Variants in LRFN5 observed in about 807,000 individuals in gnomAD.
The protein encoded by LRFN5 is leucine-rich repeat and fibronectin type-III domain-containing protein 5.
In LRFN5, 24 loss-of-function variants were observed where a neutral mutation model predicts 45.6. The ratio of observed to expected loss-of-function variants is 0.53; its 90% CI spans 0.38 to 0.74. The LOEUF (loss-of-function observed/expected upper bound fraction) is 0.74, where lower values mean the gene tolerates loss of function less well. Among genes scored for constraint, LRFN5 ranks in the 30% least tolerant of loss-of-function variants. The pLI, the probability that LRFN5 is intolerant of heterozygous loss-of-function variation, is 0.00. For synonymous variants in LRFN5, 340 were observed against 313.8 expected, an observed-to-expected ratio of 1.08 and a Z score of -0.88; for missense variants, 776 against 861.5, an observed-to-expected ratio of 0.90 and a Z score of 1.24.
chr14:41,694,615 T>A (rs933594618), intron 1 of LRFN5, among the ~76,000 whole-genome samples: 2 of 152,016 alleles, frequency 1.3e-5, no homozygotes, highest in African/African-American at 4.8e-5. Context: ...AGATATTCTT[T>A]TTTATAAATT....
rs1887683215 is a variant in LRFN5, at chr14:41,810,017, T to A, written c.-21+42988T>A. Among the ~76,000 whole-genome samples the A allele has an allele frequency of 3.9e-5, 6 of 152,154 alleles. No individual in the cohort carries two copies. In the South Asian group the frequency reaches 1.2e-3, roughly 32 times the overall value. On this transcript the variant is annotated intron_variant, in intron 2 of 5. Transcript: ENST00000298119. ...ATAAGTCACTTCAAATCTATACTAA[T>A]GTGAAACTCAGCTTTCAAATAATAT...
At chr14:41,626,786 A>G (rs1888349844) in intron 1 of LRFN5, among the ~76,000 whole-genome samples, 1 of 152,024 alleles carries the variant, frequency 6.6e-6, no homozygotes, top group African/African-American at 2.4e-5. Context: ...ATTCTAATTT[A>G]CTCTGATGTA....
intron 1 of LRFN5, among the ~76,000 whole-genome samples, chr14:41,631,403 A>G (rs932148865): frequency 1.3e-5 from 2 of 152,176 alleles, no homozygotes; most frequent in African/African-American, 2.4e-5. Flanking sequence ...TATTTATTCA[A>G]CAAGTATGTA....
At chr14:41,666,158 T>C (rs111805537) in intron 1 of LRFN5, among the ~76,000 whole-genome samples, 1,735 of 152,162 alleles carry the variant, frequency 0.011, 38 homozygotes, top group African/African-American at 0.04. Context: ...AAAATTATCT[T>C]ATCTGAATTT....
intron 1 of LRFN5, among the ~76,000 whole-genome samples, chr14:41,764,532 ATGC>A (rs1435054076): frequency 6.6e-6 from 1 of 152,168 alleles, no homozygotes; most frequent in Admixed American, 6.5e-5. Context: ...TGTGCTTTTC[ATGC>A]TAAAATAAAG....
intron 1 of LRFN5, among the ~76,000 whole-genome samples, chr14:41,667,579 A>G (rs953428604): frequency 2.6e-5 from 4 of 152,150 alleles, no homozygotes; most frequent in African/African-American, 9.7e-5. Context: ...TCCTGAATCT[A>G]TAGATTGCTA....
intron 1 of LRFN5, among the ~76,000 whole-genome samples, chr14:41,747,728 A>G (rs536263451): frequency 1.8e-4 from 27 of 152,044 alleles, no homozygotes; most frequent in Non-Finnish European, 3.8e-4. Context: ...TAAGAAGGCA[A>G]CCCACAGAAT....
At chr14:41,661,483 C>T (rs940803580) in intron 1 of LRFN5, among the ~76,000 whole-genome samples, 1 of 151,934 alleles carries the variant, frequency 6.6e-6, no homozygotes, top group African/African-American at 2.4e-5. Flanking sequence ...TGTACAATAT[C>T]CTGCTAGAAG....
At chr14:41,814,956 A>G (rs113629900) in intron 2 of LRFN5, among the ~76,000 whole-genome samples, 5 of 152,132 alleles carry the variant, frequency 3.3e-5, no homozygotes, top group African/African-American at 1.2e-4. Flanking sequence ...AACAGCATGG[A>G]AAAACATCCA....
At chr14:41,864,052 T>G (rs560181974) in intron 2 of LRFN5, among the ~76,000 whole-genome samples, 1 of 152,358 alleles carries the variant, frequency 6.6e-6, no homozygotes, top group African/African-American at 2.4e-5. Flanking sequence ...ATATCCACAT[T>G]TGCTTTATCC....
intron 1 of LRFN5, among the ~76,000 whole-genome samples, chr14:41,667,852 T>C (rs1442799146): frequency 6.6e-6 from 1 of 152,184 alleles, no homozygotes; most frequent in Non-Finnish European, 1.5e-5. Flanking sequence ...TTATACCTAT[T>C]TATAATTAGT....
At chr14:41,868,704 A>G (rs1453364961) in intron 2 of LRFN5, among the ~76,000 whole-genome samples, 2 of 152,192 alleles carry the variant, frequency 1.3e-5, no homozygotes, top group African/African-American at 2.4e-5. Flanking sequence ...AATAGAGGCC[A>G]TTACTAGTCT....
rs1318469237 is a variant in LRFN5, at chr14:41,830,776, T to C, written c.-20-55830T>C. On this transcript the variant is annotated intron_variant, in intron 2 of 5. Transcript: ENST00000298119. ...TGTGTGAAAGGCTGCTCCTGCTCTG[T>C]CTCCTGGTGGGCCTGTTGGTCAGCA... 2.6e-5 allele frequency among the ~76,000 whole-genome samples: 4 copies of C among 152,004 alleles called. No individual in the cohort carries two copies. The East Asian group carries it at 5.8e-4, about 22-fold the overall frequency.
Position 41,742,309 on chromosome 14 carries a change from G to GTA in LRFN5, c.-196-24542_-196-24541dup, listed in dbSNP as rs1200276413. Among the ~76,000 whole-genome samples the GTA allele has an allele frequency of 5.5e-5, 5 of 90,780 alleles. No individual in the cohort carries two copies. The South Asian group carries it at 1.3e-3, about 24-fold the overall frequency. The allele number at this position is 90,780 out of a possible 152,430, so 59.6% of individuals were successfully genotyped here. A position where few individuals can be genotyped will look rare whatever the true frequency, so the allele number is the denominator to read the frequency against. ...AAGATTAATGAAGAAAATGTGGTGT[G>GTA]TATACACACACACACACACACACAC... On this transcript the variant is annotated intron_variant, in intron 1 of 5. Transcript: ENST00000298119.
intron 5 of LRFN5, among the ~76,000 whole-genome samples, chr14:41,901,385 T>A (rs1891095463): frequency 6.6e-6 from 1 of 151,864 alleles, no homozygotes; most frequent in East Asian, 1.9e-4. Context: ...TAAATAAAAT[T>A]TCTTAAGAAC....
intron 1 of LRFN5, among the ~76,000 whole-genome samples, chr14:41,656,427 T>C (rs907835497): frequency 6.6e-6 from 1 of 152,000 alleles, no homozygotes; most frequent in African/African-American, 2.4e-5. Flanking sequence ...ATGTTTTCCT[T>C]GGTGAGATTT....
chr14:41,707,801 G>C (rs935194713), intron 1 of LRFN5, among the ~76,000 whole-genome samples: 1 of 151,896 alleles, frequency 6.6e-6, no homozygotes, highest in South Asian at 2.1e-4. Context: ...GGCTGCTTTT[G>C]GACTACATTG....
intron 1 of LRFN5, among the ~76,000 whole-genome samples, chr14:41,723,843 A>G (rs1883824065): frequency 6.6e-6 from 1 of 152,168 alleles, no homozygotes; most frequent in African/African-American, 2.4e-5. Flanking sequence ...TGCCTGTGCC[A>G]TCATAATGCC....
chr14:41,870,879 A>T (rs1188779028), intron 2 of LRFN5, among the ~76,000 whole-genome samples: 1 of 152,210 alleles, frequency 6.6e-6, no homozygotes, highest in Non-Finnish European at 1.5e-5. Context: ...CATACATTGT[A>T]GCACATGTTT....
Sources: allele counts gnomAD v4.1 joint callset (sites outside exome capture counted in the v4.1 genomes callset), GRCh38; gene constraint gnomAD v4.1.1; transcripts MANE v1.5; gene names NCBI Gene and HGNC (gene_info 2026-07-23, HGNC 2026-07-21).